The following PIK3R4 variants were observed in gnomAD, a reference collection of about 807,000 sequenced individuals.
PIK3R4 encodes the protein phosphoinositide-3-kinase regulatory subunit 4, also known as phosphoinositide 3-kinase regulatory subunit 4.
In PIK3R4, 46 loss-of-function variants were observed where a neutral mutation model predicts 136.5. That is an observed-to-expected ratio of 0.34 (90% CI 0.27 to 0.43). PIK3R4 has a LOEUF of 0.43. Among genes scored for constraint, PIK3R4 ranks in the 20% least tolerant of loss-of-function variants. The pLI, the probability that PIK3R4 is intolerant of heterozygous loss-of-function variation, is 1.00. For missense variants in PIK3R4, 1,331 were observed against 1,649.5 expected, an observed-to-expected ratio of 0.81 and a Z score of 3.35; for synonymous variants, 557 against 566.7, an observed-to-expected ratio of 0.98 and a Z score of 0.24.
intron 2 of PIK3R4, among the ~76,000 whole-genome samples, chr3:130,742,152 G>A (rs1170043029): frequency 6.6e-6 from 1 of 152,192 alleles, no homozygotes; most frequent in Non-Finnish European, 1.5e-5. Context: ...GGGGAAAGTA[G>A]CACTCAAAAC....
chr3:130,690,436 AAGGTACTGTAG>A (rs2066510268), intron 14 of PIK3R4, 43 bp downstream of exon 14: 22 of 1,241,216 alleles, frequency 1.8e-5, no homozygotes, highest in Non-Finnish European at 2.5e-5. Context: ...AAGGAGACTT[AAGGTACTGTAG>A]TGCACTAAAT....
At position 130,693,125 on chromosome 3, in the gene PIK3R4, C is replaced by T. The variant is rs534109087; in HGVS notation, c.3099-2471G>A. 2.6e-5 allele frequency among the ~76,000 whole-genome samples: 4 copies of T among 152,300 alleles called. No individual in the cohort carries two copies. In the South Asian group the frequency reaches 8.3e-4, roughly 32 times the overall value. On this transcript the variant is annotated intron_variant, in intron 13 of 19. Coordinates refer to ENST00000356763, the MANE Select transcript of PIK3R4 (RefSeq NM_014602.3). ...GATCTGGCTACTTTCACTTAGCATACTGTTTTCAAGGTTTACTCACATTAT... is the reference window on the plus strand; with the variant it reads ...GATCTGGCTACTTTCACTTAGCATATTGTTTTCAAGGTTTACTCACATTAT...
At chr3:130,730,547 G>A in intron 4 of PIK3R4, 105 bp from the exon 5 acceptor site, 1 of 752,706 alleles carries the variant, frequency 1.3e-6, no homozygotes, top group Admixed American at 3.5e-5. Flanking sequence ...ATAAGCCTAT[G>A]GGAAAAACAG....
At chr3:130,717,434 T>C (rs2066671702) in intron 8 of PIK3R4, among the ~76,000 whole-genome samples, 1 of 152,198 alleles carries the variant, frequency 6.6e-6, no homozygotes, top group Admixed American at 6.5e-5. Context: ...TAGATATCTC[T>C]AGATTTAATT....
At chr3:130,683,368 T>C (rs780530824) in intron 16 of PIK3R4, among the ~76,000 whole-genome samples, 5 of 152,082 alleles carry the variant, frequency 3.3e-5, no homozygotes, top group Admixed American at 1.3e-4. Flanking sequence ...GGAGAAGTGG[T>C]TGAGACCAAA....
chr3:130,744,450 A>G, intron 2 of PIK3R4, 36 bp downstream of exon 2: 1 of 1,549,628 alleles, frequency 6.5e-7, no homozygotes, highest in East Asian at 2.3e-5. Flanking sequence ...AAAGAAAAAC[A>G]CATGCTCCCT....
chr3:130,703,728 A>G lies in PIK3R4; in HGVS notation c.3093T>C (p.Thr1031=). The change falls in exon 13 of 20, where the codon ACT becomes ACC. Residue 1031 remains threonine (T), a synonymous_variant. Coordinates refer to ENST00000356763, the MANE Select transcript of PIK3R4 (RefSeq NM_014602.3). ...NSQKMEGKTT[T]TRSILTYSRI... is the part of the protein sequence containing the mutation. ...CATTCCTGAGCATATGGTACCTGGT[A>G]GTGGTGGTCTTCCCCTCCATCTTTT... The G allele has an allele frequency of 6.2e-7, 1 of 1,607,586 alleles. No homozygotes were observed. Among genetic ancestry groups the G allele is most frequent in the Middle Eastern group, 1.7e-4 (1 of 6,038 alleles).
intron 9 of PIK3R4, among the ~76,000 whole-genome samples, chr3:130,714,085 A>G (rs1311588754): frequency 6.6e-6 from 1 of 152,182 alleles, no homozygotes; most frequent in East Asian, 1.9e-4. Flanking sequence ...GCACATTGAA[A>G]TCTCTTTGAT....
intron 9 of PIK3R4, among the ~76,000 whole-genome samples, chr3:130,715,958 C>T (rs778555192): frequency 8.5e-5 from 13 of 152,156 alleles, no homozygotes; most frequent in Non-Finnish European, 1.5e-4. Flanking sequence ...CAAGTTATTT[C>T]AGCTGTTTAC....
intron 16 of PIK3R4, 40 bp downstream of exon 16, chr3:130,684,210 G>C (rs766720851): frequency 6.3e-7 from 1 of 1,586,592 alleles, no homozygotes; most frequent in Admixed American, 1.7e-5. Flanking sequence ...TACTTTCCAA[G>C]AAAATCTCCC....
chr3:130,739,266 C>T (rs1490169369), intron 2 of PIK3R4, among the ~76,000 whole-genome samples: 1 of 152,134 alleles, frequency 6.6e-6, no homozygotes, highest in African/African-American at 2.4e-5. Flanking sequence ...TTAGTAGAGA[C>T]GGGGTTTCAC....
intron 3 of PIK3R4, among the ~76,000 whole-genome samples, chr3:130,735,269 T>A (rs1465022084): frequency 6.6e-6 from 1 of 152,204 alleles, no homozygotes; most frequent in African/African-American, 2.4e-5. Flanking sequence ...CTCAGAGTCA[T>A]CACCACAATA....
At chr3:130,743,827 G>C (rs1271225494) in intron 2 of PIK3R4, among the ~76,000 whole-genome samples, 1 of 152,160 alleles carries the variant, frequency 6.6e-6, no homozygotes, top group African/African-American at 2.4e-5. Context: ...CCATGCTCCA[G>C]TCAGGCCAGA....
At chr3:130,684,603 C>T (rs965265866) in intron 15 of PIK3R4, among the ~76,000 whole-genome samples, 2 of 152,220 alleles carry the variant, frequency 1.3e-5, no homozygotes, top group Non-Finnish European at 2.9e-5. Context: ...CATAATGCTA[C>T]TACTAATAAT....
At chr3:130,703,583 A>T (rs2066591247) in intron 13 of PIK3R4, 140 bp downstream of exon 13, 4 of 632,450 alleles carry the variant, frequency 6.3e-6, no homozygotes, top group Admixed American at 2.7e-5. Context: ...TAGAAGGTAA[A>T]CTCCACAGAA....
chr3:130,726,851 A>T (rs2066734726), intron 6 of PIK3R4, among the ~76,000 whole-genome samples: 1 of 152,136 alleles, frequency 6.6e-6, no homozygotes. Context: ...CCGAGAAAAG[A>T]AATAAATATA....
intron 14 of PIK3R4, among the ~76,000 whole-genome samples, chr3:130,690,196 T>C (rs1056097151): frequency 2.0e-5 from 3 of 152,122 alleles, no homozygotes; most frequent in Non-Finnish European, 4.4e-5. Context: ...TTCAGACAAA[T>C]TCTAGACTGG....
chr3:130,730,573 C>G, intron 4 of PIK3R4, 131 bp from the exon 5 acceptor site: 1 of 563,474 alleles, frequency 1.8e-6, no homozygotes, highest in South Asian at 3.4e-5. Flanking sequence ...TTCAATTTAG[C>G]ATTTAACTTA....
At chr3:130,714,985 A>C (rs1370088726) in intron 9 of PIK3R4, among the ~76,000 whole-genome samples, 1 of 152,116 alleles carries the variant, frequency 6.6e-6, no homozygotes, top group Non-Finnish European at 1.5e-5. Flanking sequence ...GCTGGGTCAA[A>C]TGGTATTTCT....
Sources: allele counts gnomAD v4.1 joint callset (sites outside exome capture counted in the v4.1 genomes callset), GRCh38; gene constraint gnomAD v4.1.1; transcripts MANE v1.5; gene names NCBI Gene and HGNC (gene_info 2026-07-23, HGNC 2026-07-21).